KHDRBS2: variants seen among roughly 807,000 people sequenced by gnomAD.
KHDRBS2 encodes KH domain-containing, RNA-binding, signal transduction-associated protein 2.
Under a neutral mutation model 44.3 loss-of-function variants are expected in KHDRBS2, and 26 were observed. The observed-to-expected ratio is 0.59, with a 90% confidence interval of 0.43 to 0.81. The LOEUF (loss-of-function observed/expected upper bound fraction) is 0.81. Among genes scored for constraint, KHDRBS2 ranks in the 40% least tolerant of loss-of-function variants. KHDRBS2 has a pLI of 0.00. For synonymous variants in KHDRBS2, 194 were observed against 151.1 expected, an observed-to-expected ratio of 1.28 and a Z score of -2.08; for missense variants, 476 against 433.1, an observed-to-expected ratio of 1.10 and a Z score of -0.88.
intron 6 of KHDRBS2, among the ~76,000 whole-genome samples, chr6:61,894,089 A>G (rs1283665037): frequency 6.6e-6 from 1 of 152,098 alleles, no homozygotes; most frequent in African/African-American, 2.4e-5. Flanking sequence ...GATACAGTAG[A>G]TAGGAAGGGA....
intron 6 of KHDRBS2, among the ~76,000 whole-genome samples, chr6:61,786,770 G>A (rs938524146): frequency 1.3e-5 from 2 of 151,822 alleles, no homozygotes; most frequent in Non-Finnish European, 2.9e-5. Context: ...CAAGGAGCAG[G>A]TGCAGTAGTT....
At chr6:61,848,501 A>C (rs1384234179) in intron 6 of KHDRBS2, among the ~76,000 whole-genome samples, 4 of 63,788 alleles carry the variant, frequency 6.3e-5, no homozygotes, top group Non-Finnish European at 1.2e-4. Flanking sequence ...GTATATATAT[A>C]TATATATATG....
the KHDRBS2 span, among the ~76,000 whole-genome samples, chr6:61,604,487 C>A: frequency 6.6e-6 from 1 of 152,210 alleles, no homozygotes; most frequent in Admixed American, 6.5e-5. Flanking sequence ...AAGAAAATAT[C>A]TCCTTCCAGC....
intron 4 of KHDRBS2, among the ~76,000 whole-genome samples, chr6:61,968,463 G>C (rs769011149): frequency 6.6e-6 from 1 of 151,896 alleles, no homozygotes; most frequent in African/African-American, 2.4e-5. Flanking sequence ...GAAAACAAGA[G>C]GTCCCCAAAT....
intron 3 of KHDRBS2, among the ~76,000 whole-genome samples, chr6:61,980,205 G>A (rs1269588560): frequency 2.0e-5 from 3 of 152,164 alleles, no homozygotes; most frequent in South Asian, 2.1e-4. Context: ...TTTGTAGGAA[G>A]ATTATTGTGC....
intron 6 of KHDRBS2, among the ~76,000 whole-genome samples, chr6:61,748,945 TA>T (rs1777235139): frequency 6.6e-6 from 1 of 151,856 alleles, no homozygotes; most frequent in Non-Finnish European, 1.5e-5. Flanking sequence ...AACTGAATTT[TA>T]AATTTTATTT....
At chr6:61,963,727 C>T (rs1312014374) in intron 4 of KHDRBS2, among the ~76,000 whole-genome samples, 5 of 152,064 alleles carry the variant, frequency 3.3e-5, no homozygotes, top group African/African-American at 7.2e-5. Context: ...GACACATAGC[C>T]GGCAGGATTT....
At chr6:61,884,105 G>T (rs1800581747) in intron 6 of KHDRBS2, among the ~76,000 whole-genome samples, 2 of 152,016 alleles carry the variant, frequency 1.3e-5, no homozygotes, top group Non-Finnish European at 2.9e-5. Context: ...ACATGAAACT[G>T]AGGGTTGGCA....
At chr6:62,179,442 T>C (rs1408721781) in intron 1 of KHDRBS2, among the ~76,000 whole-genome samples, 1 of 151,726 alleles carries the variant, frequency 6.6e-6, no homozygotes, top group Non-Finnish European at 1.5e-5. Flanking sequence ...AACCTTTCCA[T>C]CCCTTATATA....
At chr6:61,544,272 A>C in the KHDRBS2 span, among the ~76,000 whole-genome samples, 28 of 152,080 alleles carry the variant, frequency 1.8e-4, no homozygotes, top group Non-Finnish European at 3.7e-4. Context: ...AGTTTTAAAA[A>C]AGCATTATTC....
intron 7 of KHDRBS2, among the ~76,000 whole-genome samples, chr6:61,726,602 A>G (rs530425278): frequency 6.6e-6 from 1 of 152,304 alleles, no homozygotes; most frequent in East Asian, 1.9e-4. Flanking sequence ...GTGTGCAAAA[A>G]TCGCTAGCAT....
intron 4 of KHDRBS2, among the ~76,000 whole-genome samples, chr6:61,963,667 G>T (rs1769261027): frequency 6.6e-6 from 1 of 151,984 alleles, no homozygotes; most frequent in South Asian, 2.1e-4. Flanking sequence ...GGGAAATGAT[G>T]TCCTAACCCA....
chr6:62,166,182 C>A (rs538511850), intron 2 of KHDRBS2, among the ~76,000 whole-genome samples: 1 of 152,054 alleles, frequency 6.6e-6, no homozygotes, highest in South Asian at 2.1e-4. Flanking sequence ...GAATAACATT[C>A]CATTATATGT....
At chr6:62,156,538 C>T (rs1816422102) in intron 2 of KHDRBS2, among the ~76,000 whole-genome samples, 1 of 152,110 alleles carries the variant, frequency 6.6e-6, no homozygotes, top group Admixed American at 6.5e-5. Context: ...ATATTTTTCA[C>T]ATTTTGTTAG....
chr6:61,710,538 G>C (rs1176541932), intron 7 of KHDRBS2, among the ~76,000 whole-genome samples: 3 of 151,404 alleles, frequency 2.0e-5, no homozygotes, highest in Non-Finnish European at 4.4e-5. Context: ...CTGTATCAAG[G>C]CATGGTGGAG....
intron 2 of KHDRBS2, among the ~76,000 whole-genome samples, chr6:62,119,929 A>C (rs1807197225): frequency 6.6e-6 from 1 of 152,174 alleles, no homozygotes; most frequent in South Asian, 2.1e-4. Context: ...TGAGGTTCAG[A>C]GTGTGACCCA....
rs201333575 is a variant in KHDRBS2, at chr6:61,732,697, G to T, written c.878C>A (p.Ala293Glu). 9.3e-6 allele frequency: 15 copies of T among 1,605,472 alleles called. No individual in the cohort carries two copies. Among genetic ancestry groups the T allele is most frequent in the Non-Finnish European group, 1.3e-5 (15 of 1,172,560 alleles). ...AATGCCTTACCTTTGTGTTTGGGTC[G>T]CATAGCTGTTATCATAAGTCTCATA... ...QTYETYDNSY[A>E]TQTQSVPEYY... is the part of the protein sequence containing the mutation. Residue 293 changes from alanine (A) to glutamate (E), a missense_variant, in exon 7 of 9, where the codon GCG becomes GAG. Transcript: ENST00000281156.
intron 1 of KHDRBS2, among the ~76,000 whole-genome samples, chr6:62,273,638 A>T (rs1465166779): frequency 1.3e-5 from 2 of 152,050 alleles, no homozygotes; most frequent in Non-Finnish European, 2.9e-5. Context: ...ATGTTCTCTC[A>T]GGGTGATCTC....
chr6:61,973,579 T>G (rs1171546321), intron 4 of KHDRBS2, among the ~76,000 whole-genome samples: 1 of 152,120 alleles, frequency 6.6e-6, no homozygotes, highest in Non-Finnish European at 1.5e-5. Flanking sequence ...AAGACACACA[T>G]CCAACTAATG....
Sources: gnomAD v4.1 joint callset for allele counts (sites outside exome capture counted in the v4.1 genomes callset) on GRCh38, gnomAD v4.1.1 for gene constraint, MANE v1.5 for transcripts, NCBI Gene and HGNC (gene_info 2026-07-23, HGNC 2026-07-21) for gene names.